BCKDHA: variants seen among roughly 807,000 people sequenced by gnomAD.
BCKDHA encodes the protein 2-oxoisovalerate dehydrogenase subunit alpha, mitochondrial.
BCKDHA carries 43 observed loss-of-function variants against 52.2 expected under a neutral mutation model. That is an observed-to-expected ratio of 0.82 (90% CI 0.64 to 1.06). BCKDHA has a LOEUF of 1.06. BCKDHA is among the 50% of genes least tolerant of loss of function. The pLI is 0.00. For synonymous variants in BCKDHA, 234 were observed against 247.9 expected (o/e 0.94, Z 0.53); for missense variants, 527 against 621.3 (o/e 0.85, Z 1.61).
chr19:41,416,170 C>T (rs1021390271), intron 4 of BCKDHA, among the ~76,000 whole-genome samples: 11 of 152,142 alleles, frequency 7.2e-5, no homozygotes, highest in African/African-American at 2.7e-4. Context: ...TTTCAAACTC[C>T]TGACCTCAAG....
At chr19:41,402,396 C>G (rs1406755045) in intron 1 of BCKDHA, among the ~76,000 whole-genome samples, 5 of 152,142 alleles carry the variant, frequency 3.3e-5, no homozygotes, top group Non-Finnish European at 5.9e-5. Context: ...TCTTGAGGCA[C>G]TGAATGGTTT....
intron 3 of BCKDHA, 57 bp from the exon 4 acceptor site, chr19:41,413,992 C>G: frequency 1.4e-6 from 2 of 1,445,222 alleles, no homozygotes; most frequent in Non-Finnish European, 1.9e-6. Flanking sequence ...TTGGATGGCT[C>G]TCTGTCATTG....
At chr19:41,398,545 T>G (rs1016822827) in intron 1 of BCKDHA, among the ~76,000 whole-genome samples, 1 of 152,150 alleles carries the variant, frequency 6.6e-6, no homozygotes, top group Non-Finnish European at 1.5e-5. Flanking sequence ...TTTGTTGAAT[T>G]AATGAGGGGA....
rs1370782559 is a variant in BCKDHA, at chr19:41,424,837, C to T, written c.*229C>T. The T allele has an allele frequency of 3.8e-6, 2 of 527,026 alleles. No individual in the cohort carries two copies. Among genetic ancestry groups the T allele is most frequent in the Non-Finnish European group, 3.3e-6 (1 of 299,476 alleles). 32.6% of individuals were successfully genotyped at this position (527,026 alleles called of 1,614,324 possible). A position where few individuals can be genotyped will look rare whatever the true frequency, so the allele number is the denominator to read the frequency against. On this transcript the variant is annotated 3_prime_UTR_variant, in exon 9 of 9. Transcript: ENST00000269980. ...TGAGGCTCCGTCAGCCCCCTCTTCA[C>T]CTGTTGTTACAGTGCCTTCTCCCAG... is the stretch of plus-strand genomic sequence containing the variant.
chr19:41,411,778 CAGT>C (rs2039256515), intron 3 of BCKDHA, among the ~76,000 whole-genome samples: 1 of 152,314 alleles, frequency 6.6e-6, no homozygotes, highest in African/African-American at 2.4e-5. Context: ...GAGCCTCTGC[CAGT>C]AGCCCCGAGT....
intron 1 of BCKDHA, among the ~76,000 whole-genome samples, chr19:41,403,481 T>C (rs2123241906): frequency 6.6e-6 from 1 of 152,304 alleles, no homozygotes; most frequent in African/African-American, 2.4e-5. Flanking sequence ...CACCTCAGCA[T>C]GTAGTTATTC....
chr19:41,405,849 C>T (rs546487499), intron 1 of BCKDHA, among the ~76,000 whole-genome samples: 2 of 152,332 alleles, frequency 1.3e-5, no homozygotes, highest in East Asian at 3.9e-4. Flanking sequence ...CCAGACCATC[C>T]AGAGCGGGCA....
chr19:41,419,853 C>T (rs2039346085), intron 5 of BCKDHA, among the ~76,000 whole-genome samples: 1 of 151,856 alleles, frequency 6.6e-6, no homozygotes, highest in South Asian at 2.1e-4. Flanking sequence ...CTGTAACCTC[C>T]ACCTCCCAGG....
intron 1 of BCKDHA, 70 bp downstream of exon 1, chr19:41,398,005 G>T: frequency 7.4e-7 from 1 of 1,354,612 alleles, no homozygotes. Context: ...TCAGAGTGTG[G>T]GGTCCCTGAA....
At chr19:41,416,763 TA>T (rs1304930549) in intron 4 of BCKDHA, among the ~76,000 whole-genome samples, 4 of 151,722 alleles carry the variant, frequency 2.6e-5, no homozygotes, top group Non-Finnish European at 5.9e-5. Context: ...TCTAAAAAAT[TA>T]AAAAATTAGC....
intron 4 of BCKDHA, among the ~76,000 whole-genome samples, chr19:41,418,091 CAAAAAAAAAAAAAAA>C (rs66838098): frequency 4.2e-5 from 3 of 72,014 alleles, no homozygotes; most frequent in Non-Finnish European, 7.6e-5. Flanking sequence ...GACTCTGTCT[CAAAAAAAAAAAAAAA>C]AAAAAAAAAA....
rs769758558 is a variant in BCKDHA at position 41,397,944 on chromosome 19, CT to C, written c.108+10del. On this transcript the variant is annotated intron_variant, in intron 1 of 8. Transcript: ENST00000269980. Reference sequence around the variant, plus strand: ...GGGGACTGGCTAGATCTGTGAGTACCTGGGCCCCAGGCGGTTTTCCCAAAGG... The same window carrying C: ...GGGGACTGGCTAGATCTGTGAGTACCGGGCCCCAGGCGGTTTTCCCAAAGG... 2 of 1,612,206 alleles carry C rather than the reference CT, an allele frequency of 1.2e-6. No homozygotes were observed. Among genetic ancestry groups the C allele is most frequent in the Non-Finnish European group, 1.7e-6 (2 of 1,178,668 alleles).
rs10419188 is a variant in BCKDHA, at chr19:41,412,850, C to T, written c.376-1199C>T. Among the ~76,000 whole-genome samples, 1,047 of 151,980 alleles carry T rather than the reference C, an allele frequency of 6.9e-3. 17 individuals carry two copies. The highest frequency in any genetic ancestry group is 0.024 in the African/African-American group (1,004 of 41,452). Reference sequence around the variant, plus strand: ...CCCCAAGTAGCTGGGATTACAGGCGCCCACCACCACACTCGGCTAATTTTT... The same window carrying T: ...CCCCAAGTAGCTGGGATTACAGGCGTCCACCACCACACTCGGCTAATTTTT... On this transcript the variant is annotated intron_variant, in intron 3 of 8. Coordinates refer to ENST00000269980, the MANE Select transcript of BCKDHA (RefSeq NM_000709.4).
chr19:41,399,589 T>C (rs2039114406), intron 1 of BCKDHA: 1 of 151,848 alleles, frequency 6.6e-6, no homozygotes, highest in African/African-American at 2.4e-5. Flanking sequence ...TATTTAAATT[T>C]GTATTATCTT....
rs549803342 is a variant in BCKDHA at position 41,398,180 on chromosome 19, C to T, written c.108+245C>T. Among the ~76,000 whole-genome samples the T allele has an allele frequency of 2.9e-3, 446 of 152,126 alleles. 4 individuals are homozygous for T. The highest frequency in any genetic ancestry group is 6.4e-3 in the African/African-American group (265 of 41,488). ...ACTTCTTTGTGGGCCCTGAGGGAGA[C>T]GACTTGAAGAGAGAGATGGGGGTTC... On this transcript the variant is annotated intron_variant, in intron 1 of 8. Coordinates refer to ENST00000269980, the MANE Select transcript of BCKDHA (RefSeq NM_000709.4).
At position 41,422,356 on chromosome 19, in the gene BCKDHA, G is replaced by A. The variant is rs924679105; in HGVS notation, c.839G>A (p.Arg280His). 9.3e-6 allele frequency: 15 copies of A among 1,614,142 alleles called. No homozygotes were observed. The highest frequency in any genetic ancestry group is 1.7e-4 in the Middle Eastern group (1 of 6,060). ...TCCACGCCCACCTCTGAGCAGTATC[G>A]CGGCGATGGCATTGGTATGGGCTCT... ...AISTPTSEQYRGDGIAARGPG... is the reference protein window; with the variant it reads ...AISTPTSEQYHGDGIAARGPG... Residue 280 changes from arginine (R) to histidine (H), a missense_variant, in exon 6 of 9, where the codon CGC (arginine) becomes CAC (histidine). Coordinates refer to ENST00000269980, the MANE Select transcript of BCKDHA (RefSeq NM_000709.4).
At position 41,422,750 on chromosome 19, in the gene BCKDHA, C is replaced by T. The variant is rs55940366; in HGVS notation, c.975C>T (p.Leu325=). 8,176 of 1,613,668 alleles carry T rather than the reference C, an allele frequency of 5.1e-3. 28 individuals are homozygous for T. Among genetic ancestry groups the T allele is most frequent in the Non-Finnish European group, 6.4e-3 (7,571 of 1,180,024 alleles). The part of the protein sequence containing the change: ...RRAVAENQPF[L]IEAMTYRIGH... ...CTGTGGCAGAGAACCAGCCCTTCCT[C>T]ATCGAGGCCATGACCTACAGGTGCC... Residue 325 remains leucine (L), a synonymous_variant, in exon 7 of 9, where the codon CTC becomes CTT. Coordinates refer to ENST00000269980, the MANE Select transcript of BCKDHA (RefSeq NM_000709.4).
At chr19:41,414,406 G>A (rs921671546) in intron 4 of BCKDHA, among the ~76,000 whole-genome samples, 2 of 152,074 alleles carry the variant, frequency 1.3e-5, no homozygotes, top group Non-Finnish European at 1.5e-5. Flanking sequence ...TCAGGTTTTG[G>A]GCAAGTCACT....
chr19:41,418,837 G>A (rs891025192), intron 4 of BCKDHA: 3 of 431,812 alleles, frequency 6.9e-6, no homozygotes, highest in Non-Finnish European at 1.3e-5. Flanking sequence ...ACCATGCCTG[G>A]CCATAGTAAT....
Sources: gnomAD v4.1 joint callset for allele counts (sites outside exome capture counted in the v4.1 genomes callset) on GRCh38, gnomAD v4.1.1 for gene constraint, MANE v1.5 for transcripts, NCBI Gene and HGNC (gene_info 2026-07-23, HGNC 2026-07-21) for gene names.